The following TLK1 variants were observed in gnomAD, a reference collection of about 807,000 sequenced individuals.
TLK1 encodes tousled like kinase 1, also known as serine/threonine-protein kinase tousled-like 1.
Under a neutral mutation model 105.3 loss-of-function variants are expected in TLK1, and 24 were observed. That is an observed-to-expected ratio of 0.23 (90% CI 0.17 to 0.32). The LOEUF (loss-of-function observed/expected upper bound fraction) is 0.32, where lower values mean the gene tolerates loss of function less well. Ranked by LOEUF, TLK1 falls within the 10% of genes least tolerant of loss-of-function variation. TLK1 has a pLI of 1.00. For synonymous variants in TLK1, 321 were observed against 310.4 expected (o/e 1.03, Z -0.36); for missense variants, 558 against 910.5 (o/e 0.61, Z 4.98).
At chr2:171,026,849 T>C (rs1575527889) in intron 12 of TLK1, among the ~76,000 whole-genome samples, 1 of 152,130 alleles carries the variant, frequency 6.6e-6, no homozygotes, top group South Asian at 2.1e-4. Context: ...TATAGCTCCA[T>C]CTATTATTAT....
chr2:170,993,912 A>G lies in TLK1; in HGVS notation c.2169T>C (p.Phe723=). 6.2e-7 allele frequency: 1 copy of G among 1,611,780 alleles called. No homozygotes were observed. The highest frequency in any genetic ancestry group is 2.2e-5 in the East Asian group (1 of 44,794). The change falls in exon 21 of 21, where the codon TTT becomes TTC. Residue 723 remains phenylalanine, a synonymous_variant. Coordinates refer to ENST00000431350, the MANE Select transcript of TLK1 (RefSeq NM_012290.5). ...GGTCATTTGCCAGCTGGTGCACATC[A>G]AATCGATCTTCTTTTCGATATGCCA... is the stretch of plus-strand genomic sequence containing the variant. The part of the protein sequence containing the change: ...RCLAYRKEDR[F]DVHQLANDPY...
intron 1 of TLK1, among the ~76,000 whole-genome samples, chr2:171,215,405 C>T (rs948118615): frequency 4.6e-5 from 7 of 151,420 alleles, no homozygotes; most frequent in African/African-American, 1.7e-4. Flanking sequence ...TTGTGATGCT[C>T]TTTTTCCTCA....
intron 1 of TLK1, among the ~76,000 whole-genome samples, chr2:171,201,986 T>C (rs911051267): frequency 6.6e-6 from 1 of 152,168 alleles, no homozygotes; most frequent in African/African-American, 2.4e-5. Flanking sequence ...CTAGGCAATT[T>C]GCCTTGCACA....
chr2:171,198,355 A>C (rs1342201009), intron 1 of TLK1, among the ~76,000 whole-genome samples: 1 of 152,264 alleles, frequency 6.6e-6, no homozygotes, highest in Non-Finnish European at 1.5e-5. Context: ...GCTCAGAGGC[A>C]TCATTTAAGA....
At chr2:171,085,483 T>G (rs1220739826) in intron 2 of TLK1, among the ~76,000 whole-genome samples, 1 of 152,052 alleles carries the variant, frequency 6.6e-6, no homozygotes, top group Non-Finnish European at 1.5e-5. Context: ...TTAAAAAAAT[T>G]GAAACTACTG....
chr2:171,160,743 G>A lies in TLK1; in HGVS notation c.-315C>T, dbSNP rs1449713717. 1.4e-5 allele frequency: 6 copies of A among 430,938 alleles called. No homozygotes were observed. Among genetic ancestry groups the A allele is most frequent in the South Asian group, 1.3e-4 (2 of 14,830 alleles). 26.7% of individuals were successfully genotyped at this position (430,938 alleles called of 1,614,324 possible). A position where few individuals can be genotyped will look rare whatever the true frequency, so the allele number is the denominator to read the frequency against. On this transcript the variant is annotated 5_prime_UTR_variant, in exon 1 of 21. Coordinates refer to ENST00000431350, the MANE Select transcript of TLK1 (RefSeq NM_012290.5). The surrounding 1 kb of genome is among the most constrained non-coding windows in gnomAD (Gnocchi z 4.4). Reference sequence around the variant, plus strand: ...GGGGGTGCCAGCCGGGCCGGGGTCGGAGCGCGGGCGGAGCGCGGGCTGCGC... The same window carrying A: ...GGGGGTGCCAGCCGGGCCGGGGTCGAAGCGCGGGCGGAGCGCGGGCTGCGC...
At chr2:171,227,723 TAGTC>T (rs1405660506) in intron 1 of TLK1, among the ~76,000 whole-genome samples, 1 of 151,978 alleles carries the variant, frequency 6.6e-6, no homozygotes, top group African/African-American at 2.4e-5. Context: ...CTCTACAACT[TAGTC>T]AGTAAACCAG....
intron 1 of TLK1, among the ~76,000 whole-genome samples, chr2:171,186,883 C>A (rs1693034184): frequency 6.6e-6 from 1 of 151,540 alleles, no homozygotes; most frequent in Non-Finnish European, 1.5e-5. Flanking sequence ...CATGGTGAAA[C>A]CCCATCTCTA....
chr2:171,194,688 G>A lies in TLK1; in HGVS notation c.-6+36457C>T, dbSNP rs556195114. On this transcript the variant is annotated intron_variant, in intron 1 of 20. Coordinates refer to the TLK1 transcript ENST00000521943. The stretch of plus-strand genomic sequence containing the variant: ...AAAAATTAGCCGGGCGTGGTAGCGG[G>A]CGCCTGTAGTCCCAGCTACTCCGGA... Among the ~76,000 whole-genome samples the A allele has an allele frequency of 1.9e-3, 285 of 149,406 alleles. 1 individual carries two copies. The highest frequency in any genetic ancestry group is 6.8e-3 in the African/African-American group (268 of 39,320).
At chr2:171,227,608 A>G (rs1212123783) in intron 1 of TLK1, among the ~76,000 whole-genome samples, 1 of 48,636 alleles carries the variant, frequency 2.1e-5, no homozygotes, top group Non-Finnish European at 4.1e-5. Flanking sequence ...TGTTTAAGCC[A>G]GTTGGATTTC....
At chr2:171,208,238 T>C (rs1270350344) in intron 1 of TLK1, among the ~76,000 whole-genome samples, 1 of 152,188 alleles carries the variant, frequency 6.6e-6, no homozygotes, top group Non-Finnish European at 1.5e-5. Flanking sequence ...TAAAATAAAT[T>C]GAATTCATGG....
intron 1 of TLK1, among the ~76,000 whole-genome samples, chr2:171,137,213 T>C (rs1487109696): frequency 2.6e-5 from 4 of 151,562 alleles, no homozygotes; most frequent in Admixed American, 1.3e-4. Flanking sequence ...GGCTTGGAGG[T>C]CAAGGCTGCA....
At chr2:171,120,248 G>GAAAAAAAA (rs71008751) in intron 1 of TLK1, among the ~76,000 whole-genome samples, 2 of 47,048 alleles carry the variant, frequency 4.3e-5, no homozygotes, top group African/African-American at 8.0e-5. Context: ...GACTCCGTCA[G>GAAAAAAAA]AAAAAAAAAA....
chr2:171,099,932 T>C (rs1054828381), intron 2 of TLK1, among the ~76,000 whole-genome samples: 2 of 152,190 alleles, frequency 1.3e-5, no homozygotes, highest in Non-Finnish European at 2.9e-5. Flanking sequence ...GGTATATAAA[T>C]ATGTGATTCT....
chr2:171,148,857 G>A (rs1383202807), intron 1 of TLK1, among the ~76,000 whole-genome samples: 5 of 140,632 alleles, frequency 3.6e-5, no homozygotes, highest in African/African-American at 5.3e-5. Context: ...TCCAGCCTGG[G>A]TAAGAGGGTG....
intron 2 of TLK1, among the ~76,000 whole-genome samples, chr2:171,107,976 G>C (rs1247953330): frequency 6.6e-6 from 1 of 151,686 alleles, no homozygotes; most frequent in Non-Finnish European, 1.5e-5. Context: ...AGGATCACTT[G>C]AGCCTAGGAG....
At chr2:171,190,383 A>G (rs1451793010) in intron 1 of TLK1, among the ~76,000 whole-genome samples, 1 of 152,230 alleles carries the variant, frequency 6.6e-6, no homozygotes, top group Non-Finnish European at 1.5e-5. Flanking sequence ...CCACTACACT[A>G]GGACATTGAT....
intron 13 of TLK1, among the ~76,000 whole-genome samples, chr2:171,014,199 C>A (rs1685062482): frequency 6.6e-6 from 1 of 152,092 alleles, no homozygotes; most frequent in African/African-American, 2.4e-5. Flanking sequence ...CTAGGCTTTA[C>A]GGATACAGCA....
chr2:171,194,238 T>C (rs1488460542), intron 1 of TLK1, among the ~76,000 whole-genome samples: 1 of 152,186 alleles, frequency 6.6e-6, no homozygotes, highest in Non-Finnish European at 1.5e-5. Flanking sequence ...TCAGGGTTTC[T>C]ACATATAATT....
Sources: gnomAD v4.1 joint callset for allele counts (sites outside exome capture counted in the v4.1 genomes callset) on GRCh38, gnomAD v4.1.1 for gene constraint, Gnocchi (gnomAD v3.1) non-coding constraint, MANE v1.5 for transcripts, NCBI Gene and HGNC (gene_info 2026-07-23, HGNC 2026-07-21) for gene names.